RABEP1: variants seen among roughly 807,000 people sequenced by gnomAD.
The protein encoded by RABEP1 is rab GTPase-binding effector protein 1.
A neutral mutation model predicts 123.4 loss-of-function variants in RABEP1; 51 were observed. The observed-to-expected ratio is 0.41, with a 90% CI of 0.33 to 0.52. RABEP1 has a LOEUF of 0.52. RABEP1 is among the 20% of genes least tolerant of loss of function. RABEP1 has a pLI of 0.16. For missense variants in RABEP1, 888 were observed against 996.3 expected (o/e 0.89, Z 1.46); for synonymous variants, 347 against 355.2 (o/e 0.98, Z 0.26).
intron 12 of RABEP1, among the ~76,000 whole-genome samples, chr17:5,372,783 G>A (rs1305137480): frequency 6.6e-6 from 1 of 150,824 alleles, no homozygotes; most frequent in Non-Finnish European, 1.5e-5. Context: ...TTGAGATGGA[G>A]TCTTGCTCTG....
chr17:5,381,591 G>T, intron 17 of RABEP1, 86 bp downstream of exon 17: 1 of 1,504,166 alleles, frequency 6.6e-7, no homozygotes, highest in Non-Finnish European at 8.8e-7. Flanking sequence ...ACCACTGGCA[G>T]TAGCTAGAGG....
chr17:5,376,942 C>G (rs1031849983), intron 13 of RABEP1, among the ~76,000 whole-genome samples, 174 bp from the exon 14 acceptor site: 2 of 152,100 alleles, frequency 1.3e-5, no homozygotes, highest in Admixed American at 6.6e-5. Flanking sequence ...CTATAACATA[C>G]TGAATGTTAA....
At chr17:5,309,525 T>C (rs2075214669) in intron 2 of RABEP1, among the ~76,000 whole-genome samples, 1 of 152,096 alleles carries the variant, frequency 6.6e-6, no homozygotes, top group Admixed American at 6.5e-5. Flanking sequence ...TGGTGGCGCA[T>C]GCCTGTAATC....
chr17:5,323,839 A>AATATATATATATATATCTAGGAATAT (rs369734347), intron 2 of RABEP1, among the ~76,000 whole-genome samples: 10 of 70,252 alleles, frequency 1.4e-4, no homozygotes, highest in Admixed American at 4.3e-4. Flanking sequence ...TATATCTAGG[A>AATATATATATATATATCTAGGAATAT]ATATATATAT....
At chr17:5,320,280 A>G (rs1163541478) in intron 2 of RABEP1, among the ~76,000 whole-genome samples, 5 of 152,126 alleles carry the variant, frequency 3.3e-5, no homozygotes, top group Non-Finnish European at 7.4e-5. Context: ...TGTATATCCA[A>G]CAAAGTTATC....
Position 5,332,058 on chromosome 17 carries a change from T to G in RABEP1, c.273T>G (p.Ile91Met). The part of the protein sequence containing the change: ...AQAEMENIKA[I>M]ATVSENTKQE... ...CAGAGATGGAGAATATTAAGGCGAT[T>G]GCCACAGTCTCTGAGAACACCAAGC... The change falls in exon 3 of 18, where the codon ATT (isoleucine) becomes ATG (methionine). Residue 91 changes from isoleucine to methionine, a missense_variant. Ile to Met is a conservative substitution (Grantham distance 10, BLOSUM62 1). Coordinates refer to ENST00000537505, the MANE Select transcript of RABEP1 (RefSeq NM_004703.6). 6.2e-7 allele frequency: 1 copy of G among 1,614,046 alleles called. No homozygotes were observed. Among genetic ancestry groups the G allele is most frequent in the South Asian group, 1.1e-5 (1 of 91,078 alleles).
At position 5,282,540 on chromosome 17, in the gene RABEP1, A is replaced by G. The variant is rs2074935327; in HGVS notation, c.34+20A>G. ...CTGACGGTGAGGCGCCCACCATGGC[A>G]GGCGCGGCGGGCGCGGCCTGCCCGG... On this transcript the variant is annotated intron_variant, in intron 1 of 17. Transcript: ENST00000537505. 1.0e-5 allele frequency: 12 copies of G among 1,193,646 alleles called. No homozygotes were observed. Among genetic ancestry groups the G allele is most frequent in the Non-Finnish European group, 1.3e-5 (12 of 959,148 alleles). The allele number at this position is 1,193,646 out of a possible 1,614,324, so 73.9% of individuals were successfully genotyped here.
chr17:5,312,637 A>G (rs2144535782), intron 2 of RABEP1, among the ~76,000 whole-genome samples: 1 of 152,176 alleles, frequency 6.6e-6, no homozygotes, highest in South Asian at 2.1e-4. Context: ...TAGGCTGGTA[A>G]GTAGGTGGGA....
Position 5,332,076 on chromosome 17 carries a change from C to G in RABEP1, c.291C>G (p.Asn97Lys). Residue 97 changes from asparagine to lysine, a missense_variant, in exon 3 of 18, where the codon AAC becomes AAG. Asn to Lys is a moderately conservative substitution (Grantham distance 94). Transcript: ENST00000537505. Reference sequence around the variant, plus strand: ...AGGCGATTGCCACAGTCTCTGAGAACACCAAGCAAGAAGCTATAGATGAAG... The same window carrying G: ...AGGCGATTGCCACAGTCTCTGAGAAGACCAAGCAAGAAGCTATAGATGAAG... ...NIKAIATVSENTKQEAIDEVK... is the reference protein window; with the variant it reads ...NIKAIATVSEKTKQEAIDEVK... 6.2e-7 allele frequency: 1 copy of G among 1,614,116 alleles called. No individual in the cohort carries two copies. Among genetic ancestry groups the G allele is most frequent in the Non-Finnish European group, 8.5e-7 (1 of 1,180,014 alleles).
intron 9 of RABEP1, 80 bp from the exon 10 acceptor site, chr17:5,362,832 G>A: frequency 1.1e-6 from 1 of 912,618 alleles, no homozygotes; most frequent in Admixed American, 1.8e-5. Flanking sequence ...GACTACCATT[G>A]GTAAGACTAT....
intron 13 of RABEP1, among the ~76,000 whole-genome samples, chr17:5,374,303 C>A (rs1968058): frequency 0.64 from 97,030 of 151,724 alleles, 33,367 homozygotes; most frequent in East Asian, 0.98. Flanking sequence ...CCTGACCTCA[C>A]GTGAGCCACC....
chr17:5,293,807 A>G (rs1009585375), intron 1 of RABEP1, among the ~76,000 whole-genome samples: 1 of 152,226 alleles, frequency 6.6e-6, no homozygotes, highest in African/African-American at 2.4e-5. Context: ...CGCAAAATCA[A>G]TTAGATAGCT....
intron 5 of RABEP1, among the ~76,000 whole-genome samples, chr17:5,344,242 A>T (rs9904628): frequency 6.6e-6 from 1 of 151,818 alleles, no homozygotes; most frequent in Admixed American, 6.6e-5. Context: ...GTTTGAGACC[A>T]GCCTGGGCAA....
intron 15 of RABEP1, among the ~76,000 whole-genome samples, chr17:5,379,394 C>G (rs1208511490): frequency 6.6e-6 from 1 of 152,166 alleles, no homozygotes; most frequent in Non-Finnish European, 1.5e-5. Context: ...CTGATCTTTT[C>G]CATTATGCAT....
intron 12 of RABEP1, 63 bp from the exon 13 acceptor site, chr17:5,373,251 G>C: frequency 6.6e-7 from 1 of 1,521,476 alleles, no homozygotes; most frequent in East Asian, 2.3e-5. Context: ...TTTTTCTCTG[G>C]TGTAGCTATC....
At chr17:5,361,703 C>G in intron 9 of RABEP1, 28 bp downstream of exon 9, 1 of 1,546,166 alleles carries the variant, frequency 6.5e-7, no homozygotes. Context: ...CGTTTTTCCT[C>G]TTGCTCACGC....
intron 14 of RABEP1, 146 bp from the exon 15 acceptor site, chr17:5,378,031 G>A: frequency 3.3e-6 from 2 of 611,388 alleles, no homozygotes; most frequent in East Asian, 2.9e-5. Context: ...TATGCTGATT[G>A]CTTGGTGGTA....
intron 10 of RABEP1, 111 bp from the exon 11 acceptor site, chr17:5,365,011 T>C (rs1909890280): frequency 1.5e-6 from 1 of 667,964 alleles, no homozygotes; most frequent in African/African-American, 1.9e-5. Context: ...CTGTGGTGTT[T>C]CCCAGAAAAA....
intron 7 of RABEP1, among the ~76,000 whole-genome samples, chr17:5,351,048 T>A (rs1261206319): frequency 1.3e-5 from 2 of 152,218 alleles, no homozygotes; most frequent in Admixed American, 1.3e-4. Context: ...TTTGTTTGTT[T>A]TAGCTCATCA....
Sources: gnomAD v4.1 joint callset for allele counts (sites outside exome capture counted in the v4.1 genomes callset) on GRCh38, gnomAD v4.1.1 for gene constraint, MANE v1.5 for transcripts, NCBI Gene and HGNC (gene_info 2026-07-23, HGNC 2026-07-21) for gene names.